ZNF543: variants seen among roughly 807,000 people sequenced by gnomAD.
ZNF543 encodes zinc finger protein 543.
ZNF543 carries 10 observed loss-of-function variants against 13.4 expected under a neutral mutation model. The observed-to-expected ratio is 0.75, with a 90% confidence interval of 0.46 to 1.26. The LOEUF is 1.26. Ranked by LOEUF, ZNF543 falls within the 50% of genes most tolerant of loss-of-function variation. ZNF543 has a pLI of 0.00. For missense variants in ZNF543, 768 were observed against 741.2 expected (o/e 1.04, Z -0.42); for synonymous variants, 272 against 264.7 (o/e 1.03, Z -0.27).
At position 57,328,911 on chromosome 19, in the gene ZNF543, G is replaced by A; in HGVS notation, c.1449G>A (p.Glu483=). ...HTGEKPYECV[E]CGKAFNRSSH... is the part of the protein sequence containing the mutation. ...GAGAGAAACCCTATGAGTGCGTGGA[G>A]TGTGGAAAGGCCTTCAACCGCAGCT... is the stretch of plus-strand genomic sequence containing the variant. The change falls in exon 4 of 4, where the codon GAG becomes GAA. Residue 483 remains glutamate, a synonymous_variant. Transcript: ENST00000321545. The A allele has an allele frequency of 1.2e-6, 2 of 1,613,902 alleles. No homozygotes were observed. Among genetic ancestry groups the A allele is most frequent in the Non-Finnish European group, 1.7e-6 (2 of 1,179,954 alleles).
At position 57,328,417 on chromosome 19, in the gene ZNF543, G is replaced by C; in HGVS notation, c.955G>C (p.Ala319Pro). The change falls in exon 4 of 4, where the codon GCC becomes CCC. Residue 319 changes from alanine (A) to proline (P), a missense_variant. This residue lies in a region of ZNF543 where 677 missense variants were observed against 631.4 expected (regional missense o/e 1.07). Coordinates refer to ENST00000321545, the MANE Select transcript of ZNF543 (RefSeq NM_213598.4). ...CTTTGTGTGCAAAGAGTGTGGCAAA[G>C]CCTTTCGAGATAGGCCAGGTTTCAT... ...KPFVCKECGK[A>P]FRDRPGFIRH... 1 of 1,613,064 alleles carries C rather than the reference G, an allele frequency of 6.2e-7. No homozygotes were observed.
chr19:57,330,355 A>G lies in ZNF543; in HGVS notation c.*1090A>G, dbSNP rs998320491. ...ATCCTGGGAATCTTAGTTTTTTCCT[A>G]TGATTGTGGTTTCTCAGCTTCTTTA... On this transcript the variant is annotated 3_prime_UTR_variant, in exon 4 of 4. Coordinates refer to ENST00000321545, the MANE Select transcript of ZNF543 (RefSeq NM_213598.4). The G allele has an allele frequency of 1.4e-5, 2 of 147,138 alleles. No individual in the cohort carries two copies. Among genetic ancestry groups the G allele is most frequent in the Non-Finnish European group, 3.0e-5 (2 of 66,974 alleles). The allele number at this position is 147,138 out of a possible 1,614,324, so 9.1% of individuals were successfully genotyped here.
chr19:57,320,915 T>A lies in ZNF543; in HGVS notation c.18+44T>A, dbSNP rs776272704. ...GGCCTTGCTGCTGCTCTGCTACTTCTGGAGGCCTCGTGGGCAGGCAGAAGC... is the reference window on the plus strand; with the variant it reads ...GGCCTTGCTGCTGCTCTGCTACTTCAGGAGGCCTCGTGGGCAGGCAGAAGC... On this transcript the variant is annotated intron_variant, in intron 1 of 3. Coordinates refer to ENST00000321545, the MANE Select transcript of ZNF543 (RefSeq NM_213598.4). 6 of 1,613,380 alleles carry A rather than the reference T, an allele frequency of 3.7e-6. No individual in the cohort carries two copies. The African/African-American group carries it at 6.7e-5, about 18-fold the overall frequency.
At chr19:57,323,274 C>G (rs2088100256) in intron 1 of ZNF543, among the ~76,000 whole-genome samples, 1 of 151,538 alleles carries the variant, frequency 6.6e-6, no homozygotes, top group South Asian at 2.1e-4. Context: ...TCACTGCAAG[C>G]TCCGCCTCCC....
At chr19:57,321,303 G>A (rs577877282) in intron 1 of ZNF543, among the ~76,000 whole-genome samples, 1 of 152,140 alleles carries the variant, frequency 6.6e-6, no homozygotes, top group African/African-American at 2.4e-5. Context: ...CTATAACTTC[G>A]CAGGGCCTCC....
At chr19:57,326,867 G>T (rs76817705) in intron 3 of ZNF543, 139 bp downstream of exon 3, 27 of 92,370 alleles carry the variant, frequency 2.9e-4, no homozygotes, top group Non-Finnish European at 5.1e-4. Context: ...CTCCCCGCCC[G>T]CCCCCCCCCA....
chr19:57,320,512 A>C lies in ZNF543; in HGVS notation c.-342A>C. 1.2e-5 allele frequency: 3 copies of C among 257,694 alleles called. No individual in the cohort carries two copies. The highest frequency in any genetic ancestry group is 6.2e-5 in the South Asian group (1 of 16,154). 16.0% of individuals were successfully genotyped at this position (257,694 alleles called of 1,614,324 possible). The stretch of plus-strand genomic sequence containing the variant: ...CTCCGTGAGCAGGATTGGCCCTGGA[A>C]CAGTGTGGGGCCTGGACCGCTGGGT... On this transcript the variant is annotated 5_prime_UTR_variant, in exon 1 of 4. Coordinates refer to ENST00000321545, the MANE Select transcript of ZNF543 (RefSeq NM_213598.4).
rs751158748 is a variant in ZNF543 at position 57,327,859 on chromosome 19, G to C, written c.397G>C (p.Val133Leu). 1.9e-6 allele frequency: 3 copies of C among 1,614,168 alleles called. No homozygotes were observed. Among genetic ancestry groups the C allele is most frequent in the East Asian group, 4.5e-5 (2 of 44,848 alleles). ...DQDGPSEMQE[V>L]HLKIGIGPQR... ...GGATGGGCCATCTGAAATGCAAGAA[G>C]TCCACTTGAAAATAGGGATAGGCCC... Residue 133 changes from valine (V) to leucine (L), a missense_variant, in exon 4 of 4, where the codon GTC becomes CTC. Transcript: ENST00000321545.
rs1445761421 is a variant in ZNF543, at chr19:57,323,815, C to T, written c.145+7C>T. ...GGACTTCTCATGTCTCTGGGTAAGG[C>T]CCCTTCTGGTCCTGTGCTCCCTTAG... is the stretch of plus-strand genomic sequence containing the variant. On this transcript the variant is annotated splice_region_variant and intron_variant, in intron 2 of 3. Coordinates refer to ENST00000321545, the MANE Select transcript of ZNF543 (RefSeq NM_213598.4). The T allele has an allele frequency of 1.9e-6, 3 of 1,610,780 alleles. No homozygotes were observed. Among genetic ancestry groups the T allele is most frequent in the Admixed American group, 3.3e-5 (2 of 59,914 alleles).
rs1366222472 is a variant in ZNF543, at chr19:57,322,049, C to T, written c.18+1178C>T. 1.3e-5 allele frequency among the ~76,000 whole-genome samples: 2 copies of T among 152,206 alleles called. 1 individual carries two copies. Among genetic ancestry groups the T allele is most frequent in the Non-Finnish European group, 2.9e-5 (2 of 68,038 alleles). On this transcript the variant is annotated intron_variant, in intron 1 of 3. Transcript: ENST00000321545. The stretch of plus-strand genomic sequence containing the variant: ...TTGCTAGATGTGCCTTCCTCCTTAG[C>T]CAGGACAGACATAGCCAGTCAGGGG...
At position 57,328,325 on chromosome 19, in the gene ZNF543, G is replaced by A. The variant is rs2088137463; in HGVS notation, c.863G>A (p.Cys288Tyr). 4 of 1,613,842 alleles carry A rather than the reference G, an allele frequency of 2.5e-6. No homozygotes were observed. In the South Asian group the frequency reaches 4.4e-5, roughly 18 times the overall value. Residue 288 changes from cysteine to tyrosine, a missense_variant, in exon 4 of 4, where the codon TGT becomes TAT. Coordinates refer to ENST00000321545, the MANE Select transcript of ZNF543 (RefSeq NM_213598.4). The part of the protein sequence containing the change: ...SGEKPYKCSE[C>Y]GKAFTHRSTF... Reference sequence around the variant, plus strand: ...GAGAAGCCTTATAAGTGCAGTGAATGTGGAAAGGCCTTCACCCACCGCTCC... The same window carrying A: ...GAGAAGCCTTATAAGTGCAGTGAATATGGAAAGGCCTTCACCCACCGCTCC...
rs775004883 is a variant in ZNF543, at chr19:57,327,826, A to G, written c.364A>G (p.Lys122Glu). The G allele has an allele frequency of 3.1e-6, 5 of 1,614,146 alleles. No individual in the cohort carries two copies. In the East Asian group the frequency reaches 6.7e-5, roughly 22 times the overall value. The part of the protein sequence containing the change: ...ASKNSQLGQS[K>E]DQDGPSEMQE... ...AAAGAACTCCCAATTAGGGCAATCC[A>G]AGGATCAGGATGGGCCATCTGAAAT... Residue 122 changes from lysine to glutamate, a missense_variant, in exon 4 of 4, where the codon AAG becomes GAG. Transcript: ENST00000321545.
At chr19:57,325,851 G>A (rs1307118398) in intron 2 of ZNF543, among the ~76,000 whole-genome samples, 1 of 152,140 alleles carries the variant, frequency 6.6e-6, no homozygotes, top group Non-Finnish European at 1.5e-5. Flanking sequence ...AGGTTTTTAG[G>A]CAGGTTCCCT....
At position 57,328,298 on chromosome 19, in the gene ZNF543, G is replaced by T; in HGVS notation, c.836G>T (p.Gly279Val). The T allele has an allele frequency of 6.2e-7, 1 of 1,613,796 alleles. No homozygotes were observed. Residue 279 changes from glycine to valine, a missense_variant, in exon 4 of 4, where the codon GGA (glycine) becomes GTA (valine). Transcript: ENST00000321545. ...ACACGGCACCAGCGGATTCACAGTG[G>T]AGAGAAGCCTTATAAGTGCAGTGAA... is the stretch of plus-strand genomic sequence containing the variant. ...HLTRHQRIHS[G>V]EKPYKCSECG...
chr19:57,320,638 G>A lies in ZNF543; in HGVS notation c.-216G>A, dbSNP rs1437392182. ...GACGCCCCGCTTCTTCCCTAACGGG[G>A]TGTTCCACCGGCGCCTGCCGAGGCC... On this transcript the variant is annotated 5_prime_UTR_variant, in exon 1 of 4. The change creates a new upstream start codon in the 5' untranslated region. Transcript: ENST00000321545. 2 of 560,748 alleles carry A rather than the reference G, an allele frequency of 3.6e-6. No individual in the cohort carries two copies. Among genetic ancestry groups the A allele is most frequent in the South Asian group, 2.2e-5 (1 of 45,712 alleles). 34.7% of individuals were successfully genotyped at this position (560,748 alleles called of 1,614,324 possible). A position where few individuals can be genotyped will look rare whatever the true frequency, so the allele number is the denominator to read the frequency against.
At chr19:57,325,667 T>G (rs2088116098) in intron 2 of ZNF543, among the ~76,000 whole-genome samples, 1 of 152,098 alleles carries the variant, frequency 6.6e-6, no homozygotes, top group Admixed American at 6.5e-5. Context: ...TCCTCCCACC[T>G]CAGTCTCCTA....
Position 57,328,940 on chromosome 19 carries a change from A to G in ZNF543, c.1478A>G (p.His493Arg), listed in dbSNP as rs1386529998. The change falls in exon 4 of 4, where the codon CAC becomes CGC. Residue 493 changes from histidine (H) to arginine (R), a missense_variant. His to Arg is a conservative substitution (Grantham distance 29, BLOSUM62 0). Coordinates refer to ENST00000321545, the MANE Select transcript of ZNF543 (RefSeq NM_213598.4). ...ECGKAFNRSS[H>R]LTRHQQIHTG... ...GGAAAGGCCTTCAACCGCAGCTCAC[A>G]CCTCACGAGGCACCAACAGATTCAC... 2 of 1,614,096 alleles carry G rather than the reference A, an allele frequency of 1.2e-6. No individual in the cohort carries two copies. Among genetic ancestry groups the G allele is most frequent in the South Asian group, 2.2e-5 (2 of 91,086 alleles).
At chr19:57,325,160 C>T (rs919976327) in intron 2 of ZNF543, among the ~76,000 whole-genome samples, 3 of 152,096 alleles carry the variant, frequency 2.0e-5, no homozygotes, top group African/African-American at 7.2e-5. Flanking sequence ...AAGTAGTATT[C>T]CAAGTAGGCA....
rs2088151461 is a variant in ZNF543 at position 57,329,724 on chromosome 19, G to A, written c.*459G>A. On this transcript the variant is annotated 3_prime_UTR_variant, in exon 4 of 4. Transcript: ENST00000321545. ...AGACGGGGTTTCACCGTTTTAGCCGGGATGGTCTCGATCTCCTGACCTCGT... is the reference window on the plus strand; with the variant it reads ...AGACGGGGTTTCACCGTTTTAGCCGAGATGGTCTCGATCTCCTGACCTCGT... The A allele has an allele frequency of 6.4e-6, 1 of 155,788 alleles. No homozygotes were observed. The highest frequency in any genetic ancestry group is 6.2e-5 in the Admixed American group (1 of 16,056). The allele number at this position is 155,788 out of a possible 1,614,324, so 9.7% of individuals were successfully genotyped here.
Sources: gnomAD v4.1 joint callset for allele counts (sites outside exome capture counted in the v4.1 genomes callset) on GRCh38, gnomAD v4.1.1 for gene constraint, gnomAD v4.1.1 regional missense constraint, MANE v1.5 for transcripts, NCBI Gene and HGNC (gene_info 2026-07-23, HGNC 2026-07-21) for gene names.